The following PTPRG variants were observed in gnomAD, a reference collection of about 807,000 sequenced individuals.
The protein encoded by PTPRG is protein tyrosine phosphatase receptor type G, also known as receptor-type tyrosine-protein phosphatase gamma.
Under a neutral mutation model 165.3 loss-of-function variants are expected in PTPRG, and 102 were observed. The ratio of observed to expected loss-of-function variants is 0.62; its 90% CI spans 0.53 to 0.73. The LOEUF is 0.73. Among genes scored for constraint, PTPRG ranks in the 30% least tolerant of loss-of-function variants. The pLI is 0.00. For synonymous variants in PTPRG, 675 were observed against 669.5 expected (o/e 1.01, Z -0.13); for missense variants, 1,866 against 1,861.4 (o/e 1.00, Z -0.05).
At chr3:61,575,482 T>G (rs1024725070) in intron 1 of PTPRG, among the ~76,000 whole-genome samples, 3 of 152,162 alleles carry the variant, frequency 2.0e-5, no homozygotes, top group Non-Finnish European at 4.4e-5. Context: ...TACTTAACTT[T>G]ATTGGTTTTC....
intron 6 of PTPRG, among the ~76,000 whole-genome samples, chr3:62,155,746 G>C (rs760295829): frequency 6.6e-6 from 1 of 152,078 alleles, no homozygotes; most frequent in African/African-American, 2.4e-5. Context: ...CAGACTTCTC[G>C]AGTCTGGGGA....
chr3:61,920,182 A>G (rs1228299697), intron 2 of PTPRG, among the ~76,000 whole-genome samples: 1 of 152,138 alleles, frequency 6.6e-6, no homozygotes, highest in Non-Finnish European at 1.5e-5. Flanking sequence ...GAAAGACTCA[A>G]AACACTCCCC....
chr3:62,209,773 T>G (rs970313106), intron 12 of PTPRG, among the ~76,000 whole-genome samples: 2 of 152,218 alleles, frequency 1.3e-5, no homozygotes, highest in South Asian at 2.1e-4. Context: ...CCTTGGAGTT[T>G]CTATTGCCCA....
At chr3:62,157,826 C>T (rs1377628353) in intron 7 of PTPRG, among the ~76,000 whole-genome samples, 2 of 152,156 alleles carry the variant, frequency 1.3e-5, no homozygotes, top group Non-Finnish European at 2.9e-5. Flanking sequence ...TAAAACATAC[C>T]ATTGATTGAG....
At chr3:62,155,769 C>T (rs753436290) in intron 6 of PTPRG, among the ~76,000 whole-genome samples, 3 of 152,118 alleles carry the variant, frequency 2.0e-5, no homozygotes, top group Non-Finnish European at 2.9e-5. Context: ...CACAGTTGCC[C>T]AAATTTCTGT....
At chr3:62,267,296 TCA>T in intron 17 of PTPRG, 112 bp from the exon 18 acceptor site, 1 of 789,186 alleles carries the variant, frequency 1.3e-6, no homozygotes, top group Non-Finnish European at 2.1e-6. Flanking sequence ...AAAAGTTTTC[TCA>T]GACTACCTTG....
chr3:62,156,896 C>G (rs142089963), intron 6 of PTPRG, among the ~76,000 whole-genome samples, 171 bp from the exon 7 acceptor site: 53 of 152,258 alleles, frequency 3.5e-4, no homozygotes, highest in Non-Finnish European at 6.0e-4. Context: ...CTGGGAAATG[C>G]TGCTTTGTTT....
intron 5 of PTPRG, among the ~76,000 whole-genome samples, chr3:62,086,198 T>C (rs1185270052): frequency 6.6e-6 from 1 of 152,158 alleles, no homozygotes; most frequent in African/African-American, 2.4e-5. Flanking sequence ...AAATTAATCT[T>C]TTTATTCTTT....
At position 61,728,788 on chromosome 3, in the gene PTPRG, A is replaced by G. The variant is rs141519307; in HGVS notation, c.86-20090A>G. On this transcript the variant is annotated intron_variant, in intron 1 of 29. Coordinates refer to ENST00000474889, the MANE Select transcript of PTPRG (RefSeq NM_002841.4). The stretch of plus-strand genomic sequence containing the variant: ...CTGGTGGCTCATGCCTTTAATTCCA[A>G]CACTTTGGGAAGCTGAGATGGAAGG... Among the ~76,000 whole-genome samples, 1,110 of 150,344 alleles carry G rather than the reference A, an allele frequency of 7.4e-3. 17 individuals are homozygous for G. Among genetic ancestry groups the G allele is most frequent in the South Asian group, 0.029 (139 of 4,744 alleles).
rs1462215180 is a variant in PTPRG, at chr3:62,087,924, T to C, written c.615+9666T>C. On this transcript the variant is annotated intron_variant, in intron 5 of 29. Transcript: ENST00000474889. ...ATTATCTTAGGCTGTGTGTCTGTAA[T>C]TATTTTATAGATTTGATGACATCTT... Among the ~76,000 whole-genome samples the C allele has an allele frequency of 3.3e-5, 5 of 152,356 alleles. No homozygotes were observed. The East Asian group carries it at 9.6e-4, about 29-fold the overall frequency.
At chr3:61,603,358 G>A (rs1700916878) in intron 1 of PTPRG, among the ~76,000 whole-genome samples, 1 of 152,108 alleles carries the variant, frequency 6.6e-6, no homozygotes, top group Admixed American at 6.5e-5. Context: ...ATGAGATCTG[G>A]TCATTTAAAA....
chr3:61,763,426 C>T (rs998871121), intron 2 of PTPRG, among the ~76,000 whole-genome samples: 3 of 151,966 alleles, frequency 2.0e-5, no homozygotes, highest in African/African-American at 7.3e-5. Context: ...TTAGTAGAGA[C>T]GGGTTTCACT....
Position 62,292,480 on chromosome 3 carries a change from A to G in PTPRG, c.4115A>G (p.Glu1372Gly). The G allele has an allele frequency of 1.2e-6, 2 of 1,613,712 alleles. No individual in the cohort carries two copies. The highest frequency in any genetic ancestry group is 1.7e-6 in the Non-Finnish European group (2 of 1,179,758). The change falls in exon 29 of 30, where the codon GAG becomes GGG. Residue 1372 changes from glutamate to glycine, a missense_variant. By Grantham distance (98) the Glu-to-Gly change is moderately conservative (BLOSUM62 -2). Around this residue, in one of 3 missense-constraint regions of PTPRG, gnomAD observed 1,452 missense variants for 1,463.0 expected, o/e 0.99. Transcript: ENST00000474889. ...CALTTLSQQL[E>G]NENAVDVFQV... is the part of the protein sequence containing the mutation. ...CTTACCACCCTGTCCCAGCAACTGGAGAATGAAAATGCTGTGGATGTTTTC... is the reference window on the plus strand; with the variant it reads ...CTTACCACCCTGTCCCAGCAACTGGGGAATGAAAATGCTGTGGATGTTTTC...
intron 4 of PTPRG, among the ~76,000 whole-genome samples, chr3:62,029,030 G>A (rs1423019858): frequency 6.6e-6 from 1 of 152,206 alleles, no homozygotes; most frequent in Admixed American, 6.5e-5. Flanking sequence ...GCCATGGAAT[G>A]CACAACATAC....
At chr3:61,885,443 C>T (rs906803449) in intron 2 of PTPRG, among the ~76,000 whole-genome samples, 1 of 151,414 alleles carries the variant, frequency 6.6e-6, no homozygotes. Context: ...TACATATGCA[C>T]ATTAATTCAC....
At chr3:61,569,034 CACTTGT>C (rs1405134317) in intron 1 of PTPRG, among the ~76,000 whole-genome samples, 13 of 152,070 alleles carry the variant, frequency 8.5e-5, no homozygotes, top group African/African-American at 3.1e-4. Context: ...GGTAGTGTTT[CACTTGT>C]ACTTGTGGTG....
At chr3:61,679,607 C>T (rs116058625) in intron 1 of PTPRG, among the ~76,000 whole-genome samples, 1,997 of 152,194 alleles carry the variant, frequency 0.013, 41 homozygotes, top group African/African-American at 0.045. Context: ...CAGTGGAACC[C>T]TGTCTCTACT....
intron 4 of PTPRG, among the ~76,000 whole-genome samples, chr3:62,016,357 G>A (rs1024756666): frequency 4.6e-5 from 7 of 151,960 alleles, no homozygotes; most frequent in Non-Finnish European, 7.4e-5. Flanking sequence ...TAGTAGAGAC[G>A]GAGTTTCACT....
intron 2 of PTPRG, among the ~76,000 whole-genome samples, chr3:61,827,096 C>G (rs922984203): frequency 2.0e-5 from 3 of 152,256 alleles, no homozygotes; most frequent in Non-Finnish European, 2.9e-5. Flanking sequence ...TAAGGGCATG[C>G]TTTGCTGTGT....
Sources: allele counts gnomAD v4.1 joint callset (sites outside exome capture counted in the v4.1 genomes callset), GRCh38; gene constraint gnomAD v4.1.1; regional missense constraint gnomAD v4.1.1; transcripts MANE v1.5; gene names NCBI Gene and HGNC (gene_info 2026-07-23, HGNC 2026-07-21).